Variants in SEMA7A observed in about 807,000 individuals in gnomAD.
The protein encoded by SEMA7A is semaphorin 7A (JohnMiltonHagen blood group), also known as semaphorin-7A.
Under a neutral mutation model 67.5 loss-of-function variants are expected in SEMA7A, and 21 were observed. That is an observed-to-expected ratio of 0.31 (90% CI 0.22 to 0.45). The LOEUF is 0.45. SEMA7A is among the 20% of genes least tolerant of loss of function. The pLI is 1.00. For missense variants in SEMA7A, 774 were observed against 908.6 expected (o/e 0.85, Z 1.90); for synonymous variants, 364 against 368.5 (o/e 0.99, Z 0.14).
chr15:74,420,319 C>T (rs2060989413), intron 1 of SEMA7A, among the ~76,000 whole-genome samples: 1 of 152,160 alleles, frequency 6.6e-6, no homozygotes, highest in Non-Finnish European at 1.5e-5. Context: ...TGGCCTGGCG[C>T]ACTGTGCAGA....
rs981349989 is a variant in SEMA7A at position 74,417,779 on chromosome 15, C to T, written c.465+98G>A. ...GAGCCCCATCCTCCCAGGGCAAGGCCAGCATTGGAGTCTCGCCATCTCCTT... is the reference window on the plus strand; with the variant it reads ...GAGCCCCATCCTCCCAGGGCAAGGCTAGCATTGGAGTCTCGCCATCTCCTT... On this transcript the variant is annotated intron_variant, in intron 4 of 13. Transcript: ENST00000261918. 5.2e-6 allele frequency: 8 copies of T among 1,546,602 alleles called. No homozygotes were observed. In the African/African-American group the frequency reaches 9.5e-5, roughly 18 times the overall value.
rs1260318681 is a variant in SEMA7A at position 74,423,212 on chromosome 15, G to A, written c.179-4260C>T. Among the ~76,000 whole-genome samples, 3 of 152,188 alleles carry A rather than the reference G, an allele frequency of 2.0e-5. No individual in the cohort carries two copies. Among genetic ancestry groups the A allele is most frequent in the Admixed American group, 2.0e-4 (3 of 15,282 alleles). On this transcript the variant is annotated intron_variant, in intron 1 of 13. Transcript: ENST00000261918. This position sits in a 1 kb window ranked among gnomAD's most constrained non-coding sequence, Gnocchi z 4.1. ...GGCAGGAGCGTCCTCCCACAGTTGT[G>A]CCCCCACCCCTGCACTGCCAGGCCT...
At chr15:74,432,873 C>G (rs1307916096) in intron 1 of SEMA7A, among the ~76,000 whole-genome samples, 1 of 152,122 alleles carries the variant, frequency 6.6e-6, no homozygotes, top group Non-Finnish European at 1.5e-5. Flanking sequence ...CTCAAACCCC[C>G]GCCTAACCGG....
At position 74,410,606 on chromosome 15, in the gene SEMA7A, G is replaced by A. The variant is rs368448435; in HGVS notation, c.*18C>T. On this transcript the variant is annotated 3_prime_UTR_variant, in exon 14 of 14. Transcript: ENST00000261918. The surrounding 1 kb of genome is among the most constrained non-coding windows in gnomAD (Gnocchi z 7.5). ...CCTGGGCTGCAGAAGCCTGAGGCAT[G>A]CCCAGCCTCGGGAGGCCCTAGTGGA... The A allele has an allele frequency of 2.6e-6, 4 of 1,562,756 alleles. No individual in the cohort carries two copies. Among genetic ancestry groups the A allele is most frequent in the Admixed American group, 3.5e-5 (2 of 56,828 alleles).
chr15:74,414,898 G>A lies in SEMA7A; in HGVS notation c.1035C>T (p.Val345=), dbSNP rs781362012. 1.9e-6 allele frequency: 3 copies of A among 1,614,064 alleles called. No individual in the cohort carries two copies. The highest frequency in any genetic ancestry group is 2.5e-6 in the Non-Finnish European group (3 of 1,180,046). Residue 345 remains valine, a synonymous_variant, in exon 9 of 14, where the codon GTC becomes GTT. Coordinates refer to ENST00000261918, the MANE Select transcript of SEMA7A (RefSeq NM_003612.5). This position sits in a 1 kb window ranked among gnomAD's most constrained non-coding sequence, Gnocchi z 4.1. ...AGCCCTTGAGTGAGGAGGTACGGAAGACCTTGTCAATGTCACCGAGGGAAT... is the reference window on the plus strand; with the variant it reads ...AGCCCTTGAGTGAGGAGGTACGGAAAACCTTGTCAATGTCACCGAGGGAAT... The part of the protein sequence containing the change: ...CVYSLGDIDK[V]FRTSSLKGYH...
Position 74,418,312 on chromosome 15 carries a change from G to A in SEMA7A, c.331-3C>T. The A allele has an allele frequency of 1.2e-6, 2 of 1,611,946 alleles. No individual in the cohort carries two copies. The highest frequency in any genetic ancestry group is 1.7e-6 in the Non-Finnish European group (2 of 1,179,328). On this transcript the variant is annotated splice_polypyrimidine_tract_variant and splice_region_variant and intron_variant, in intron 2 of 13. Transcript: ENST00000261918. ...CCCTTTGTGGAGCCGATATTCACCT[G>A]GGGGAAGGGGAGAAGCATTAGTTCA...
intron 1 of SEMA7A, among the ~76,000 whole-genome samples, chr15:74,419,392 G>A (rs372254704): frequency 8.6e-5 from 13 of 151,940 alleles, no homozygotes; most frequent in East Asian, 3.9e-4. Flanking sequence ...CCCCAACCCC[G>A]GGCCTTTCAG....
At chr15:74,428,914 G>A (rs2061064150) in intron 1 of SEMA7A, among the ~76,000 whole-genome samples, 1 of 152,224 alleles carries the variant, frequency 6.6e-6, no homozygotes, top group Non-Finnish European at 1.5e-5. Flanking sequence ...TGTCCTCTGA[G>A]GAGGCAGGGC....
intron 1 of SEMA7A, among the ~76,000 whole-genome samples, chr15:74,429,279 C>G (rs887709814): frequency 6.6e-6 from 1 of 151,412 alleles, no homozygotes; most frequent in Non-Finnish European, 1.5e-5. Context: ...CCAGCTACTG[C>G]CCCCTGAGGG....
chr15:74,410,337 G>A lies in SEMA7A; in HGVS notation c.*287C>T. ...TGGGAGCATCGCTGCATTTAGTCAA[G>A]TTTGAGGAGTCTGAAAAATATTTTC... On this transcript the variant is annotated 3_prime_UTR_variant, in exon 14 of 14. Transcript: ENST00000261918. The surrounding 1 kb of genome is among the most constrained non-coding windows in gnomAD (Gnocchi z 7.5). 2.3e-6 allele frequency: 1 copy of A among 435,832 alleles called. No individual in the cohort carries two copies. The highest frequency in any genetic ancestry group is 4.0e-5 in the Admixed American group (1 of 25,236). 27.0% of individuals were successfully genotyped at this position (435,832 alleles called of 1,614,324 possible). A position where few individuals can be genotyped will look rare whatever the true frequency, so the allele number is the denominator to read the frequency against.
Position 74,423,342 on chromosome 15 carries a change from C to A in SEMA7A, c.179-4390G>T, listed in dbSNP as rs1451479818. 6.6e-6 allele frequency among the ~76,000 whole-genome samples: 1 copy of A among 152,212 alleles called. No individual in the cohort carries two copies. Among genetic ancestry groups the A allele is most frequent in the East Asian group, 1.9e-4 (1 of 5,188 alleles). ...AGCCTCTCCACCCTTTGGAATCCCA[C>A]ATCCACATGTCAAGGTGGAAGGGAG... On this transcript the variant is annotated intron_variant, in intron 1 of 13. Coordinates refer to ENST00000261918, the MANE Select transcript of SEMA7A (RefSeq NM_003612.5). The surrounding 1 kb of genome is among the most constrained non-coding windows in gnomAD (Gnocchi z 4.1).
intron 1 of SEMA7A, among the ~76,000 whole-genome samples, chr15:74,431,487 C>T (rs1323666452): frequency 2.6e-5 from 4 of 152,230 alleles, no homozygotes; most frequent in Non-Finnish European, 2.9e-5. Context: ...CCAGTCCCCA[C>T]AGCTGTCCTG....
In SEMA7A at chr15:74,417,372, G is replaced by GT; in HGVS notation, c.623_624insA (p.Glu209ArgfsTer3). The GT allele has an allele frequency of 6.2e-7, 1 of 1,613,966 alleles. No homozygotes were observed. The highest frequency in any genetic ancestry group is 1.3e-5 in the African/African-American group (1 of 75,020). ...TATCACTGGTGTACAGCTCACTCTC[G>GT]CCCCGGATGCGGCGGAACCGAGGGA... On this transcript the variant is annotated frameshift_variant, in exon 6 of 14. Coordinates refer to ENST00000261918, the MANE Select transcript of SEMA7A (RefSeq NM_003612.5). LOFTEE classifies it high-confidence loss of function.
chr15:74,417,307 C>A, intron 6 of SEMA7A, 28 bp downstream of exon 6: 11 of 1,583,808 alleles, frequency 6.9e-6, no homozygotes, highest in Non-Finnish European at 9.5e-6. Context: ...CCCTTGCCCA[C>A]CCTCAGCCCA....
At position 74,410,868 on chromosome 15, in the gene SEMA7A, C is replaced by G; in HGVS notation, c.1757G>C (p.Ser586Thr). 6.2e-7 allele frequency: 1 copy of G among 1,614,232 alleles called. No individual in the cohort carries two copies. Among genetic ancestry groups the G allele is most frequent in the African/African-American group, 1.3e-5 (1 of 75,066 alleles). The part of the protein sequence containing the change: ...SWRHKENVEQ[S>T]CEPGHQSPNC... ...GGGGCTCTGGTGACCAGGTTCGCAG[C>G]TCTGCTCCACGTTCTCCTTGTGGCG... The change falls in exon 14 of 14, where the codon AGC (serine) becomes ACC (threonine). Residue 586 changes from serine (S) to threonine (T), a missense_variant. Coordinates refer to ENST00000261918, the MANE Select transcript of SEMA7A (RefSeq NM_003612.5). This position sits in a 1 kb window ranked among gnomAD's most constrained non-coding sequence, Gnocchi z 7.5.
chr15:74,420,248 T>C (rs2060988687), intron 1 of SEMA7A, among the ~76,000 whole-genome samples: 1 of 152,166 alleles, frequency 6.6e-6, no homozygotes, highest in Non-Finnish European at 1.5e-5. Context: ...CCTTCATTCT[T>C]TAAGAAACAT....
At position 74,414,135 on chromosome 15, in the gene SEMA7A, C is replaced by T. The variant is rs572563614; in HGVS notation, c.1294+412G>A. Among the ~76,000 whole-genome samples, 1 of 152,334 alleles carries T rather than the reference C, an allele frequency of 6.6e-6. No homozygotes were observed. Among genetic ancestry groups the T allele is most frequent in the East Asian group, 1.9e-4 (1 of 5,180 alleles). On this transcript the variant is annotated intron_variant, in intron 10 of 13. Coordinates refer to ENST00000261918, the MANE Select transcript of SEMA7A (RefSeq NM_003612.5). This position sits in a 1 kb window ranked among gnomAD's most constrained non-coding sequence, Gnocchi z 4.1. ...AAATGTTTCCTCTCACCTGCACAAT[C>T]CCAAAGACAGGCGCAGGGCCTGACT...
At chr15:74,422,415 T>C (rs2061007632) in intron 1 of SEMA7A, among the ~76,000 whole-genome samples, 1 of 151,878 alleles carries the variant, frequency 6.6e-6, no homozygotes, top group Non-Finnish European at 1.5e-5. Flanking sequence ...GCTAGGGACA[T>C]ATGGGGAGGG....
chr15:74,430,792 A>T (rs1250240677), intron 1 of SEMA7A, among the ~76,000 whole-genome samples: 1 of 152,232 alleles, frequency 6.6e-6, no homozygotes, highest in Non-Finnish European at 1.5e-5. Context: ...GGAAATGCTG[A>T]TGCTTGGGAA....
Sources: allele counts gnomAD v4.1 joint callset (sites outside exome capture counted in the v4.1 genomes callset), GRCh38; gene constraint gnomAD v4.1.1; non-coding constraint Gnocchi (gnomAD v3.1); transcripts MANE v1.5; gene names NCBI Gene and HGNC (gene_info 2026-07-23, HGNC 2026-07-21).